LRRIQ3: variants seen among roughly 807,000 people sequenced by gnomAD.
LRRIQ3 encodes the protein leucine rich repeats and IQ motif containing 3.
In LRRIQ3, 75 loss-of-function variants were observed where a neutral mutation model predicts 59.3. The ratio of observed to expected loss-of-function variants is 1.26; its 90% confidence interval spans 1.05 to 1.53. The LOEUF (loss-of-function observed/expected upper bound fraction) is 1.53. Ranked by LOEUF, LRRIQ3 falls within the 40% of genes most tolerant of loss-of-function variation. The pLI is 0.00. For synonymous variants in LRRIQ3, 250 were observed against 231.3 expected, an observed-to-expected ratio of 1.08 and a Z score of -0.73; for missense variants, 831 against 710.0, an observed-to-expected ratio of 1.17 and a Z score of -1.94.
chr1:74,085,474 G>A (rs1646318218), intron 5 of LRRIQ3, among the ~76,000 whole-genome samples: 2 of 151,818 alleles, frequency 1.3e-5, no homozygotes, highest in African/African-American at 4.8e-5. Flanking sequence ...ACATCAGAGA[G>A]AGACTAATTT....
At chr1:74,124,797 C>T (rs1412447367) in intron 4 of LRRIQ3, among the ~76,000 whole-genome samples, 3 of 151,758 alleles carry the variant, frequency 2.0e-5, no homozygotes, top group Non-Finnish European at 4.4e-5. Context: ...TAATATGATT[C>T]CTCCTGTTTT....
chr1:74,194,327 A>C (rs567220957), intron 1 of LRRIQ3, among the ~76,000 whole-genome samples: 26 of 152,302 alleles, frequency 1.7e-4, no homozygotes, highest in Middle Eastern at 3.4e-3. Flanking sequence ...AGACTAGTAC[A>C]TGTGTCCTGG....
In LRRIQ3 at chr1:74,035,150, T is replaced by A. The variant is rs147227680; in HGVS notation, c.1718+6063A>T. The stretch of plus-strand genomic sequence containing the variant: ...GTGAGCAATACAAATGATTCTTCTT[T>A]ATAGAGATATAAATAATTGTGTTCA... On this transcript the variant is annotated intron_variant, in intron 7 of 7. Transcript: ENST00000354431. Among the ~76,000 whole-genome samples the A allele has an allele frequency of 2.9e-3, 445 of 152,214 alleles. 1 individual carries two copies. The highest frequency in any genetic ancestry group is 0.01 in the African/African-American group (423 of 41,572).
At chr1:74,197,237 G>C (rs1318061183) in intron 1 of LRRIQ3, among the ~76,000 whole-genome samples, 1 of 152,176 alleles carries the variant, frequency 6.6e-6, no homozygotes, top group Non-Finnish European at 1.5e-5. Context: ...ATGGTGCCCT[G>C]AATGTCTACG....
chr1:74,139,152 G>GTA (rs1647187270), intron 4 of LRRIQ3, among the ~76,000 whole-genome samples: 3 of 150,282 alleles, frequency 2.0e-5, no homozygotes, highest in South Asian at 2.1e-4. Flanking sequence ...ATGTGTGTGT[G>GTA]TATATATATA....
rs551188871 is a variant in LRRIQ3 at position 74,026,894 on chromosome 1, T to C, written c.1794A>G (p.Glu598=). 1 of 1,606,300 alleles carries C rather than the reference T, an allele frequency of 6.2e-7. No individual in the cohort carries two copies. Among genetic ancestry groups the C allele is most frequent in the Non-Finnish European group, 8.5e-7 (1 of 1,175,602 alleles). ...CTTTTGTTTTAGCATCTTGAAGTCT[T>C]TCACAGGCTTTTTCAAAGGCAATCA... is the stretch of plus-strand genomic sequence containing the variant. ...MDMIAFEKAC[E]RLQDAKTKVA... is the part of the protein sequence containing the mutation. Residue 598 remains glutamate, a synonymous_variant, in exon 8 of 8, where the codon GAA becomes GAG. Coordinates refer to ENST00000354431, the MANE Select transcript of LRRIQ3 (RefSeq NM_001105659.2).
chr1:74,197,357 T>G (rs933317032), intron 1 of LRRIQ3, among the ~76,000 whole-genome samples: 1 of 152,164 alleles, frequency 6.6e-6, no homozygotes, highest in African/African-American at 2.4e-5. Context: ...AAATCTTTTA[T>G]TACTTACTAA....
chr1:74,045,718 T>C (rs1654182509), intron 6 of LRRIQ3, among the ~76,000 whole-genome samples: 1 of 152,158 alleles, frequency 6.6e-6, no homozygotes, highest in South Asian at 2.1e-4. Context: ...AAACCCATCA[T>C]CTCAGCCCAA....
At chr1:74,053,028 A>T (rs1353700782) in intron 6 of LRRIQ3, among the ~76,000 whole-genome samples, 3 of 152,118 alleles carry the variant, frequency 2.0e-5, no homozygotes, top group Non-Finnish European at 4.4e-5. Context: ...AGTATTGACA[A>T]ATAGATCAAT....
intron 4 of LRRIQ3, among the ~76,000 whole-genome samples, chr1:74,154,756 CTGAT>C (rs1405433544): frequency 6.6e-6 from 1 of 152,118 alleles, no homozygotes; most frequent in Non-Finnish European, 1.5e-5. Context: ...CAGCAACTGC[CTGAT>C]TGATTCTTTT....
intron 3 of LRRIQ3, among the ~76,000 whole-genome samples, chr1:74,169,665 C>T (rs1273593876): frequency 6.6e-6 from 1 of 152,020 alleles, no homozygotes; most frequent in African/African-American, 2.4e-5. Flanking sequence ...AATTCTCTCA[C>T]CTTAGCCTCC....
At chr1:74,100,434 C>T (rs1166548729) in intron 5 of LRRIQ3, among the ~76,000 whole-genome samples, 1 of 152,142 alleles carries the variant, frequency 6.6e-6, no homozygotes, top group Non-Finnish European at 1.5e-5. Context: ...AAGAACGTTC[C>T]ATGCTCATGG....
chr1:74,100,019 C>T (rs529825113), intron 5 of LRRIQ3, among the ~76,000 whole-genome samples: 2 of 152,248 alleles, frequency 1.3e-5, no homozygotes, highest in South Asian at 4.1e-4. Flanking sequence ...CCCTCTCTCA[C>T]CACTCCTATT....
At chr1:74,097,059 C>G (rs1557612797) in intron 5 of LRRIQ3, among the ~76,000 whole-genome samples, 1 of 152,236 alleles carries the variant, frequency 6.6e-6, no homozygotes, top group African/African-American at 2.4e-5. Context: ...GGGAGAACCA[C>G]TACTCTCTTC....
At chr1:74,114,322 T>C (rs1486911521) in intron 4 of LRRIQ3, among the ~76,000 whole-genome samples, 3 of 152,124 alleles carry the variant, frequency 2.0e-5, no homozygotes, top group Non-Finnish European at 4.4e-5. Flanking sequence ...ATGTAATATG[T>C]CTAATTTAAT....
intron 5 of LRRIQ3, among the ~76,000 whole-genome samples, chr1:74,101,757 G>T (rs6696755): frequency 0.85 from 128,971 of 152,036 alleles, 55,614 homozygotes; most frequent in East Asian, 0.97. Flanking sequence ...ATGTCCTTTG[G>T]AGGGACATGG....
At chr1:74,066,395 T>C (rs867599315) in intron 6 of LRRIQ3, among the ~76,000 whole-genome samples, 7 of 152,016 alleles carry the variant, frequency 4.6e-5, no homozygotes, top group Admixed American at 1.3e-4. Context: ...TGGGCTTCCA[T>C]TTCTTATCTA....
rs144883627 is a variant in LRRIQ3 at position 74,132,797 on chromosome 1, G to C, written c.707+22936C>G. On this transcript the variant is annotated intron_variant, in intron 4 of 7. Coordinates refer to ENST00000354431, the MANE Select transcript of LRRIQ3 (RefSeq NM_001105659.2). The stretch of plus-strand genomic sequence containing the variant: ...CCTAGGCAATACCATTCAGGACATA[G>C]ACATGGGCAAGGACTTCATGTCTAA... Among the ~76,000 whole-genome samples, 445 of 152,240 alleles carry C rather than the reference G, an allele frequency of 2.9e-3. 1 individual carries two copies. Among genetic ancestry groups the C allele is most frequent in the African/African-American group, 0.01 (419 of 41,538 alleles).
At chr1:74,180,663 T>A (rs1649921265) in intron 3 of LRRIQ3, 2 of 1,509,374 alleles carry the variant, frequency 1.3e-6, no homozygotes, top group Non-Finnish European at 9.0e-7. Flanking sequence ...CTGCACTGTC[T>A]GTCATTTGTG....
Sources: allele counts gnomAD v4.1 joint callset (sites outside exome capture counted in the v4.1 genomes callset), GRCh38; gene constraint gnomAD v4.1.1; transcripts MANE v1.5; gene names NCBI Gene and HGNC (gene_info 2026-07-23, HGNC 2026-07-21).